The following DACH1 variants were observed in gnomAD, a reference collection of about 807,000 sequenced individuals.
DACH1 encodes the protein dachshund family transcription factor 1.
In DACH1, 12 loss-of-function variants were observed where a neutral mutation model predicts 54.2. The ratio of observed to expected loss-of-function variants is 0.22; its 90% CI spans 0.14 to 0.36. The LOEUF is 0.36. Among genes scored for constraint, DACH1 ranks in the 10% least tolerant of loss-of-function variants. The probability of loss-of-function intolerance (pLI) is 1.00; values close to 1 mark genes in which losing one functional copy is unlikely to be tolerated. For missense variants in DACH1, 805 were observed against 929.8 expected, an observed-to-expected ratio of 0.87 and a Z score of 1.75; for synonymous variants, 386 against 366.2, an observed-to-expected ratio of 1.05 and a Z score of -0.62.
intron 1 of DACH1, among the ~76,000 whole-genome samples, chr13:71,817,309 C>T (rs1237451204): frequency 1.3e-5 from 2 of 152,148 alleles, no homozygotes; most frequent in African/African-American, 4.8e-5. Context: ...GCTCCCAGGA[C>T]TGTAAGTTGT....
At chr13:71,793,807 G>A (rs559691298) in intron 1 of DACH1, among the ~76,000 whole-genome samples, 7 of 152,242 alleles carry the variant, frequency 4.6e-5, no homozygotes, top group Middle Eastern at 3.4e-3. Flanking sequence ...GATTACAGGC[G>A]TGAGCCACCA....
intron 6 of DACH1, among the ~76,000 whole-genome samples, chr13:71,490,325 T>C (rs1249072044): frequency 2.6e-5 from 4 of 152,222 alleles, no homozygotes; most frequent in Admixed American, 6.5e-5. Context: ...AGAAATATTG[T>C]AGAAGCTGCC....
intron 2 of DACH1, among the ~76,000 whole-genome samples, chr13:71,673,175 G>A (rs748202949): frequency 1.2e-4 from 18 of 152,062 alleles, no homozygotes; most frequent in Non-Finnish European, 2.1e-4. Flanking sequence ...AAGTAGATGA[G>A]AGGACTGTCC....
At chr13:71,459,157 T>C (rs975189216) in intron 10 of DACH1, among the ~76,000 whole-genome samples, 1 of 151,950 alleles carries the variant, frequency 6.6e-6, no homozygotes, top group Non-Finnish European at 1.5e-5. Context: ...GCTTAACTTT[T>C]AATGCAGTAC....
At chr13:71,594,262 T>C (rs1873933964) in intron 3 of DACH1, among the ~76,000 whole-genome samples, 1 of 151,872 alleles carries the variant, frequency 6.6e-6, no homozygotes, top group Non-Finnish European at 1.5e-5. Context: ...ATACTTTAGG[T>C]AACAAATCTA....
chr13:71,498,336 A>C (rs1448855073), intron 6 of DACH1, among the ~76,000 whole-genome samples: 1 of 152,178 alleles, frequency 6.6e-6, no homozygotes, highest in African/African-American at 2.4e-5. Flanking sequence ...TGTGAATGAG[A>C]TAAGGCAAAG....
rs1190767146 is a variant in DACH1, at chr13:71,748,890, CTT to C, written c.849-66982_849-66981del. ...TCTTTCTTTCTTTCTTTCTTTCTTT[CTT>C]TCTTTCTCTTTCTTTCTTTCTTTCT... On this transcript the variant is annotated intron_variant, in intron 1 of 10. Transcript: ENST00000613252. 4.9e-3 allele frequency among the ~76,000 whole-genome samples: 433 copies of C among 87,978 alleles called. 2 individuals carry two copies. The highest frequency in any genetic ancestry group is 0.02 in the East Asian group (50 of 2,534). The allele number at this position is 87,978 out of a possible 152,430, so 57.7% of individuals were successfully genotyped here.
intron 1 of DACH1, among the ~76,000 whole-genome samples, chr13:71,846,557 G>C (rs903059263): frequency 2.0e-5 from 3 of 152,206 alleles, no homozygotes; most frequent in African/African-American, 7.2e-5. Flanking sequence ...TTGAACCCCG[G>C]AGGCGGATCT....
At chr13:71,747,057 T>C (rs1884629751) in intron 1 of DACH1, among the ~76,000 whole-genome samples, 1 of 152,124 alleles carries the variant, frequency 6.6e-6, no homozygotes, top group Admixed American at 6.6e-5. Flanking sequence ...CTATCAACTA[T>C]TTTTGCATTT....
rs1268174515 is a variant in DACH1, at chr13:71,438,584, TATTTA to T, written c.*2066_*2070del. 3 of 40,378 alleles carry T rather than the reference TATTTA, an allele frequency of 7.4e-5. No individual in the cohort carries two copies. The highest frequency in any genetic ancestry group is 6.7e-4 in the Admixed American group (2 of 2,986). 2.5% of individuals were successfully genotyped at this position (40,378 alleles called of 1,614,324 possible). ...GGTCTTCAAATATGTATTTTAAAAC[TATTTA>T]ATCCACATAACAAACAGGTGACTCT... On this transcript the variant is annotated 3_prime_UTR_variant, in exon 11 of 11. Transcript: ENST00000613252.
At chr13:71,793,645 C>A (rs948835402) in intron 1 of DACH1, among the ~76,000 whole-genome samples, 6 of 152,160 alleles carry the variant, frequency 3.9e-5, no homozygotes, top group African/African-American at 1.4e-4. Context: ...ATCCTCCAAG[C>A]ACAGCCTCTC....
intron 3 of DACH1, among the ~76,000 whole-genome samples, chr13:71,627,572 T>G (rs1325871472): frequency 6.6e-6 from 1 of 152,178 alleles, no homozygotes; most frequent in African/African-American, 2.4e-5. Context: ...TTGGAGATTC[T>G]TGGGATTCCT....
chr13:71,598,357 C>CG (rs1874259470), intron 3 of DACH1, among the ~76,000 whole-genome samples: 1 of 152,064 alleles, frequency 6.6e-6, no homozygotes, highest in Admixed American at 6.6e-5. Flanking sequence ...CAGGTTCACA[C>CG]GATTCCTCTG....
At chr13:71,446,102 A>G (rs7329954) in intron 10 of DACH1, among the ~76,000 whole-genome samples, 139,625 of 152,126 alleles carry the variant, frequency 0.92, 65,292 homozygotes, top group East Asian at 1. Flanking sequence ...GTGCGTCCAT[A>G]GCTGAGGCCT....
chr13:71,788,566 C>T (rs1372213914), intron 1 of DACH1, among the ~76,000 whole-genome samples: 1 of 151,856 alleles, frequency 6.6e-6, no homozygotes, highest in South Asian at 2.1e-4. Context: ...GTTTACTGCA[C>T]ACACACACAT....
intron 7 of DACH1, among the ~76,000 whole-genome samples, chr13:71,482,649 G>A (rs1878135087): frequency 6.6e-6 from 1 of 152,096 alleles, no homozygotes; most frequent in African/African-American, 2.4e-5. Flanking sequence ...GATCAGAACT[G>A]TCCAGCTACT....
chr13:71,860,230 A>ACACC (rs1874262316), intron 1 of DACH1, among the ~76,000 whole-genome samples: 1 of 151,450 alleles, frequency 6.6e-6, no homozygotes, highest in Non-Finnish European at 1.5e-5. Context: ...GTACACACAC[A>ACACC]CACACACACA....
intron 1 of DACH1, among the ~76,000 whole-genome samples, chr13:71,774,237 T>G (rs1474832850): frequency 6.6e-6 from 1 of 152,136 alleles, no homozygotes; most frequent in Non-Finnish European, 1.5e-5. Flanking sequence ...TGAAAACAGA[T>G]GCAAAATCAA....
At chr13:71,827,830 A>G (rs1292437830) in intron 1 of DACH1, among the ~76,000 whole-genome samples, 1 of 152,064 alleles carries the variant, frequency 6.6e-6, no homozygotes, top group Non-Finnish European at 1.5e-5. Context: ...GGCAAAGATT[A>G]AATAGCAAAT....
Sources: gnomAD v4.1 joint callset for allele counts (sites outside exome capture counted in the v4.1 genomes callset) on GRCh38, gnomAD v4.1.1 for gene constraint, MANE v1.5 for transcripts, NCBI Gene and HGNC (gene_info 2026-07-23, HGNC 2026-07-21) for gene names.